GPBP1: variants seen among roughly 807,000 people sequenced by gnomAD.
The protein encoded by GPBP1 is vasculin.
In GPBP1, 13 loss-of-function variants were observed where a neutral mutation model predicts 56.5. The ratio of observed to expected loss-of-function variants is 0.23; its 90% CI spans 0.15 to 0.37. The LOEUF (loss-of-function observed/expected upper bound fraction) is 0.37, where lower values mean the gene tolerates loss of function less well. GPBP1 is among the 10% of genes least tolerant of loss of function. The pLI is 1.00. For synonymous variants in GPBP1, 204 were observed against 188.9 expected (o/e 1.08, Z -0.66); for missense variants, 477 against 572.3 (o/e 0.83, Z 1.70).
chr5:57,188,576 A>G (rs1383553775), intron 2 of GPBP1, among the ~76,000 whole-genome samples: 2 of 151,960 alleles, frequency 1.3e-5, no homozygotes, highest in Non-Finnish European at 2.9e-5. Flanking sequence ...CTCTACTTAA[A>G]AAAAAAAAAT....
chr5:57,263,917 C>G lies in GPBP1; in HGVS notation c.*1165C>G, dbSNP rs1742008452. On this transcript the variant is annotated 3_prime_UTR_variant, in exon 12 of 12. Transcript: ENST00000506184. ...TTTACCCCCATTTGCTTTTAGCTCCCCCTTATGTTTAAATATATTCTAACT... is the reference window on the plus strand; with the variant it reads ...TTTACCCCCATTTGCTTTTAGCTCCGCCTTATGTTTAAATATATTCTAACT... The G allele has an allele frequency of 6.6e-6, 1 of 151,992 alleles. No homozygotes were observed. The highest frequency in any genetic ancestry group is 2.4e-5 in the African/African-American group (1 of 41,376). The allele number at this position is 151,992 out of a possible 1,614,324, so 9.4% of individuals were successfully genotyped here.
At chr5:57,235,840 G>C (rs1326189885) in intron 5 of GPBP1, 126 bp from the exon 6 acceptor site, 7 of 689,278 alleles carry the variant, frequency 1.0e-5, no homozygotes, top group Middle Eastern at 3.8e-4. Flanking sequence ...TTCAGATTAG[G>C]GTTATTCAAC....
At position 57,251,611 on chromosome 5, in the gene GPBP1, A is replaced by C. The variant is rs187747692; in HGVS notation, c.1160+470A>C. Among the ~76,000 whole-genome samples, 511 of 149,578 alleles carry C rather than the reference A, an allele frequency of 3.4e-3. 1 individual carries two copies. Among genetic ancestry groups the C allele is most frequent in the Middle Eastern group, 0.01 (3 of 290 alleles). On this transcript the variant is annotated intron_variant, in intron 10 of 11. Coordinates refer to ENST00000506184, the MANE Select transcript of GPBP1 (RefSeq NM_022913.4). ...TTTTTTAACAGTAGGCTCTAGTCCAATCTACTTTTTGACTGTTTTGGATAA... is the reference window on the plus strand; with the variant it reads ...TTTTTTAACAGTAGGCTCTAGTCCACTCTACTTTTTGACTGTTTTGGATAA...
At chr5:57,242,970 C>T (rs999041333) in intron 6 of GPBP1, among the ~76,000 whole-genome samples, 1 of 149,880 alleles carries the variant, frequency 6.7e-6, no homozygotes, top group Admixed American at 6.6e-5. Flanking sequence ...AGGCTGGTCT[C>T]AAACTCCTAA....
intron 2 of GPBP1, among the ~76,000 whole-genome samples, chr5:57,188,105 A>G (rs953670653): frequency 6.6e-6 from 1 of 151,876 alleles, no homozygotes; most frequent in Non-Finnish European, 1.5e-5. Context: ...TTAACTGGGC[A>G]TGATTGTGCA....
At chr5:57,244,965 G>A (rs1183433788) in intron 6 of GPBP1, among the ~76,000 whole-genome samples, 3 of 151,898 alleles carry the variant, frequency 2.0e-5, no homozygotes, top group African/African-American at 7.3e-5. Context: ...CTTGAGCTCC[G>A]GACCTCATGG....
chr5:57,174,102 T>G lies in GPBP1; in HGVS notation c.-1120T>G, dbSNP rs1324943255. 1 of 152,662 alleles carries G rather than the reference T, an allele frequency of 6.6e-6. No individual in the cohort carries two copies. The highest frequency in any genetic ancestry group is 1.5e-5 in the Non-Finnish European group (1 of 68,316). 9.5% of individuals were successfully genotyped at this position (152,662 alleles called of 1,614,324 possible). A position where few individuals can be genotyped will look rare whatever the true frequency, so the allele number is the denominator to read the frequency against. On this transcript the variant is annotated 5_prime_UTR_variant, in exon 1 of 12. Transcript: ENST00000506184. ...GCCATTTTGGGACTGAGACTGGTTG[T>G]GGGGGAGGGAAAAGCGGCAAAAGGG...
intron 3 of GPBP1, among the ~76,000 whole-genome samples, chr5:57,219,398 A>AAAC (rs1561348244): frequency 1.6e-4 from 11 of 69,768 alleles, no homozygotes; most frequent in East Asian, 3.1e-3. Flanking sequence ...AAAAAAAAAA[A>AAAC]AAAAACCAAA....
intron 3 of GPBP1, among the ~76,000 whole-genome samples, chr5:57,221,641 T>C (rs938310194): frequency 6.6e-6 from 1 of 152,238 alleles, no homozygotes; most frequent in African/African-American, 2.4e-5. Context: ...CTATGATGAA[T>C]ACATTTTCAT....
intron 3 of GPBP1, chr5:57,221,408 T>C: frequency 6.7e-7 from 1 of 1,491,802 alleles, no homozygotes; most frequent in Non-Finnish European, 9.1e-7. Flanking sequence ...TAAGTATTAC[T>C]GAAAGAATAT....
intron 10 of GPBP1, among the ~76,000 whole-genome samples, chr5:57,258,059 A>G (rs949196146): frequency 1.3e-5 from 2 of 152,206 alleles, no homozygotes; most frequent in Non-Finnish European, 2.9e-5. Context: ...GAGGAATTTG[A>G]ATTTGTGACC....
chr5:57,221,914 A>G (rs1332261443), intron 3 of GPBP1, among the ~76,000 whole-genome samples: 6 of 152,224 alleles, frequency 3.9e-5, no homozygotes, highest in African/African-American at 1.4e-4. Flanking sequence ...GCCAGATTTC[A>G]TTGAAACTTC....
At chr5:57,187,860 T>G (rs748233315) in intron 2 of GPBP1, among the ~76,000 whole-genome samples, 33 of 151,448 alleles carry the variant, frequency 2.2e-4, no homozygotes, top group Non-Finnish European at 4.1e-4. Flanking sequence ...AAGTATAAAT[T>G]GAAGGGACAG....
chr5:57,222,693 T>G (rs1250808217), intron 3 of GPBP1, among the ~76,000 whole-genome samples: 1 of 152,210 alleles, frequency 6.6e-6, no homozygotes, highest in Non-Finnish European at 1.5e-5. Context: ...ATTTCTTTGA[T>G]AATGGTAAGG....
intron 3 of GPBP1, among the ~76,000 whole-genome samples, chr5:57,219,419 CAAAAA>C (rs5868039): frequency 1.5e-5 from 1 of 68,068 alleles, no homozygotes; most frequent in African/African-American, 5.2e-5. Context: ...AACAAACAAA[CAAAAA>C]AAAAAACAAC....
At chr5:57,259,456 A>G (rs1446243483) in intron 10 of GPBP1, among the ~76,000 whole-genome samples, 3 of 152,220 alleles carry the variant, frequency 2.0e-5, no homozygotes, top group Non-Finnish European at 4.4e-5. Flanking sequence ...AATGATAAAA[A>G]CTATTAACTC....
chr5:57,213,351 G>A (rs1439321057), intron 2 of GPBP1, among the ~76,000 whole-genome samples: 3 of 151,988 alleles, frequency 2.0e-5, no homozygotes, highest in Non-Finnish European at 4.4e-5. Flanking sequence ...GCACTTGGCC[G>A]GTGTCTTCCT....
intron 3 of GPBP1, among the ~76,000 whole-genome samples, chr5:57,225,015 C>T (rs1329504584): frequency 2.6e-5 from 4 of 152,046 alleles, no homozygotes; most frequent in African/African-American, 2.4e-5. Context: ...TCACATCTTA[C>T]CTCCCCAGAT....
intron 3 of GPBP1, among the ~76,000 whole-genome samples, chr5:57,226,523 G>GCAATTCAT (rs1478802659): frequency 2.4e-4 from 36 of 150,038 alleles, no homozygotes; most frequent in African/African-American, 8.6e-4. Flanking sequence ...ATTGAGAGAG[G>GCAATTCAT]CAATTCATCC....
Sources: gnomAD v4.1 joint callset for allele counts (sites outside exome capture counted in the v4.1 genomes callset) on GRCh38, gnomAD v4.1.1 for gene constraint, MANE v1.5 for transcripts, NCBI Gene and HGNC (gene_info 2026-07-23, HGNC 2026-07-21) for gene names.